ZSCAN18: variants seen among roughly 807,000 people sequenced by gnomAD.
ZSCAN18 encodes the protein zinc finger and SCAN domain containing 18, also known as zinc finger and SCAN domain-containing protein 18.
A neutral mutation model predicts 31.1 loss-of-function variants in ZSCAN18; 16 were observed. The observed-to-expected ratio is 0.51, with a 90% CI of 0.35 to 0.78. ZSCAN18 has a LOEUF of 0.78. ZSCAN18 is among the 30% of genes least tolerant of loss of function. ZSCAN18 has a pLI of 0.01. For synonymous variants in ZSCAN18, 375 were observed against 320.7 expected (o/e 1.17, Z -1.81); for missense variants, 731 against 697.4 (o/e 1.05, Z -0.54).
upstream of ZSCAN18, among the ~76,000 whole-genome samples, chr19:58,101,513 CTTCTTCTTTT>C (rs1199366384): frequency 1.4e-4 from 8 of 57,382 alleles, no homozygotes; most frequent in Non-Finnish European, 2.5e-4. Context: ...TATACTTTAT[CTTCTTCTTTT>C]TTTTTTTTTT....
exon 1 of ZSCAN18, chr19:58,118,301 G>A: frequency 2.6e-6 from 4 of 1,514,036 alleles, no homozygotes; most frequent in South Asian, 1.2e-5. Context: ...CCGGTGGGCG[G>A]GAACGGAGGA....
chr19:58,101,756 G>A (rs1255632911), upstream of ZSCAN18, among the ~76,000 whole-genome samples: 3 of 150,942 alleles, frequency 2.0e-5, no homozygotes, highest in East Asian at 5.9e-4. Flanking sequence ...TTGACCTCAG[G>A]TGATTCGCCC....
intron 1 of ZSCAN18, among the ~76,000 whole-genome samples, chr19:58,094,408 C>G (rs2074480726): frequency 7.2e-6 from 1 of 138,054 alleles, no homozygotes; most frequent in Non-Finnish European, 1.6e-5. Context: ...GAGACTCTGT[C>G]TCAAAAAAAA....
intron 2 of ZSCAN18, among the ~76,000 whole-genome samples, 195 bp from the exon 3 acceptor site, chr19:58,089,032 G>A (rs1388329082): frequency 6.6e-6 from 1 of 152,032 alleles, no homozygotes; most frequent in Non-Finnish European, 1.5e-5. Context: ...GGCCGGGCGC[G>A]GTGGCTCACG....
Position 58,086,176 on chromosome 19 carries a change from G to A in ZSCAN18, c.836C>T (p.Pro279Leu), listed in dbSNP as rs143481687. ...VERDPQGSSLPEGGRRQESAG... is the reference protein window; with the variant it reads ...VERDPQGSSLLEGGRRQESAG... ...ACACCAATTCAACCCAACCTCACCT[G>A]GGAGGCTGCTTCCTTGTGGATCTCT... The change falls in exon 6 of 7, where the codon CCA becomes CTA. Residue 279 changes from proline to leucine, a missense_variant and splice_region_variant. Transcript: ENST00000601144. 161 of 1,614,030 alleles carry A rather than the reference G, an allele frequency of 1.0e-4. No homozygotes were observed. The African/African-American group carries it at 1.8e-3, about 18-fold the overall frequency.
chr19:58,094,367 C>A (rs2074479641), intron 1 of ZSCAN18, among the ~76,000 whole-genome samples: 1 of 150,890 alleles, frequency 6.6e-6, no homozygotes, highest in Non-Finnish European at 1.5e-5. Flanking sequence ...GCCGAGATCG[C>A]GCCACTGCAC....
At chr19:58,096,039 C>A (rs1051730318) in intron 1 of ZSCAN18, among the ~76,000 whole-genome samples, 1 of 152,176 alleles carries the variant, frequency 6.6e-6, no homozygotes, top group African/African-American at 2.4e-5. Context: ...CTCCTTCAGC[C>A]CCATTCCTGG....
chr19:58,084,744 C>T lies in ZSCAN18; in HGVS notation c.1474G>A (p.Gly492Ser), dbSNP rs534784715. 16 of 1,549,440 alleles carry T rather than the reference C, an allele frequency of 1.0e-5. No individual in the cohort carries two copies. In the African/African-American group the frequency reaches 1.5e-4, roughly 15 times the overall value. The change falls in exon 7 of 7, where the codon GGT (glycine) becomes AGT (serine). Residue 492 changes from glycine (G) to serine (S), a missense_variant. This residue lies in a region of ZSCAN18 where 597 missense variants were observed against 499.5 expected (regional missense o/e 1.20). Transcript: ENST00000601144. This position sits in a 1 kb window ranked among gnomAD's most constrained non-coding sequence, Gnocchi z 4.5. ...TCGCCCTCCACGCTCTCTGGGGGACCGCCCGCCCTAGCCCCCGCCTGGGCT... is the reference window on the plus strand; with the variant it reads ...TCGCCCTCCACGCTCTCTGGGGGACTGCCCGCCCTAGCCCCCGCCTGGGCT... ...REAQAGARAG[G>S]PPESVEGEAP...
upstream of ZSCAN18, among the ~76,000 whole-genome samples, chr19:58,099,326 C>CACAG (rs528094078): frequency 6.2e-4 from 94 of 152,228 alleles, 1 homozygote; most frequent in South Asian, 0.012. Context: ...ATTTTGCCTT[C>CACAG]ACAGTGTCAT....
chr19:58,086,881 T>G, intron 5 of ZSCAN18, 25 bp downstream of exon 5: 1 of 1,589,372 alleles, frequency 6.3e-7, no homozygotes, highest in Middle Eastern at 1.9e-4. Context: ...GAGTGGGGCG[T>G]GACCCCGAGG....
intron 1 of ZSCAN18, among the ~76,000 whole-genome samples, chr19:58,095,815 C>T (rs2074510285): frequency 6.6e-6 from 1 of 152,202 alleles, no homozygotes; most frequent in Non-Finnish European, 1.5e-5. Flanking sequence ...TGGGAAGCCA[C>T]CTCTGCCTCC....
rs199776618 is a variant in ZSCAN18, at chr19:58,087,412, G to A, written c.554-8C>T. ...GGTCCGGAGAAAGCCAGGCTGGGGAGAAGGAGAGGCAGAGCTGAGGCAATG... is the reference window on the plus strand; with the variant it reads ...GGTCCGGAGAAAGCCAGGCTGGGGAAAAGGAGAGGCAGAGCTGAGGCAATG... On this transcript the variant is annotated splice_polypyrimidine_tract_variant and splice_region_variant and intron_variant, in intron 3 of 6. Transcript: ENST00000601144. The A allele has an allele frequency of 8.9e-5, 142 of 1,594,598 alleles. 2 individuals carry two copies. In the African/African-American group the frequency reaches 1.4e-3, roughly 16 times the overall value.
At chr19:58,094,593 G>A (rs2074484479) in intron 1 of ZSCAN18, among the ~76,000 whole-genome samples, 1 of 152,018 alleles carries the variant, frequency 6.6e-6, no homozygotes, top group African/African-American at 2.4e-5. Flanking sequence ...TACAAAAACA[G>A]GTGGCCAGGT....
intron 1 of ZSCAN18, chr19:58,097,783 C>G (rs2074548668): frequency 9.4e-6 from 1 of 106,042 alleles, no homozygotes; most frequent in Non-Finnish European, 2.0e-5. Flanking sequence ...GCCTTCCCCT[C>G]CCCCCTTTCT....
At chr19:58,085,416 C>T (rs1305525347) in intron 6 of ZSCAN18, 37 bp from the exon 7 acceptor site, 2 of 1,515,958 alleles carry the variant, frequency 1.3e-6, no homozygotes, top group South Asian at 2.5e-5. Context: ...GAGCGCCCCG[C>T]CCAGGGCCAG....
chr19:58,101,333 TAG>T (rs1417494001), upstream of ZSCAN18, among the ~76,000 whole-genome samples: 4 of 135,082 alleles, frequency 3.0e-5, no homozygotes, highest in Admixed American at 1.6e-4. Context: ...GTATTTTTAG[TAG>T]AGACAGGGTT....
At chr19:58,089,612 G>A (rs1355527351) in intron 2 of ZSCAN18, among the ~76,000 whole-genome samples, 1 of 152,232 alleles carries the variant, frequency 6.6e-6, no homozygotes, top group Admixed American at 6.5e-5. Context: ...GTGACAGACT[G>A]AGACTCCGTC....
chr19:58,090,273 C>T lies in ZSCAN18; in HGVS notation c.-6G>A. The stretch of plus-strand genomic sequence containing the variant: ...GCCTTCTCCAAAGGCAACATCTTTC[C>T]AAAACGGCACTGGAAAATGTGACTG... On this transcript the variant is annotated 5_prime_UTR_variant, in exon 2 of 7. Coordinates refer to ENST00000601144, the MANE Select transcript of ZSCAN18 (RefSeq NM_001145543.2). The surrounding 1 kb of genome is among the most constrained non-coding windows in gnomAD (Gnocchi z 4.7). 1 of 1,613,462 alleles carries T rather than the reference C, an allele frequency of 6.2e-7. No individual in the cohort carries two copies. Among genetic ancestry groups the T allele is most frequent in the Non-Finnish European group, 8.5e-7 (1 of 1,180,024 alleles).
intron 1 of ZSCAN18, among the ~76,000 whole-genome samples, chr19:58,115,908 C>G (rs1483963436): frequency 6.6e-6 from 1 of 151,944 alleles, no homozygotes; most frequent in Non-Finnish European, 1.5e-5. Flanking sequence ...TTCAACTTGC[C>G]TCCCTAAAGC....
Sources: allele counts gnomAD v4.1 joint callset (sites outside exome capture counted in the v4.1 genomes callset), GRCh38; gene constraint gnomAD v4.1.1; regional missense constraint gnomAD v4.1.1; non-coding constraint Gnocchi (gnomAD v3.1); transcripts MANE v1.5; gene names NCBI Gene and HGNC (gene_info 2026-07-23, HGNC 2026-07-21).